MYO1E: variants seen among roughly 807,000 people sequenced by gnomAD.
MYO1E encodes the protein unconventional myosin-Ie.
Under a neutral mutation model 151.1 loss-of-function variants are expected in MYO1E, and 68 were observed. The ratio of observed to expected loss-of-function variants is 0.45; its 90% CI spans 0.37 to 0.55. MYO1E has a LOEUF of 0.55. MYO1E is among the 20% of genes least tolerant of loss of function. The pLI is 0.00. For synonymous variants in MYO1E, 601 were observed against 501.7 expected (o/e 1.20, Z -2.64); for missense variants, 1,363 against 1,389.3 (o/e 0.98, Z 0.30).
chr15:59,320,601 A>C (rs1179194075), intron 1 of MYO1E, among the ~76,000 whole-genome samples: 1 of 152,244 alleles, frequency 6.6e-6, no homozygotes, highest in Non-Finnish European at 1.5e-5. Context: ...CTTCCTATTC[A>C]ATAAATGGTG....
chr15:59,179,676 CCTCT>C (rs1220474631), intron 18 of MYO1E, among the ~76,000 whole-genome samples: 3 of 152,140 alleles, frequency 2.0e-5, no homozygotes, highest in African/African-American at 4.8e-5. Context: ...GATTTGAATC[CCTCT>C]CTGTCTCTTT....
intron 26 of MYO1E, among the ~76,000 whole-genome samples, chr15:59,142,718 A>C (rs1266371261): frequency 6.6e-6 from 1 of 152,134 alleles, no homozygotes; most frequent in Non-Finnish European, 1.5e-5. Flanking sequence ...TCCCTGCTGC[A>C]GGCCACATTG....
At chr15:59,303,172 T>C (rs1332790611) in intron 1 of MYO1E, among the ~76,000 whole-genome samples, 1 of 152,180 alleles carries the variant, frequency 6.6e-6, no homozygotes, top group East Asian at 1.9e-4. Context: ...TTGTTAGAAT[T>C]AGATGTCAGC....
At chr15:59,228,292 GT>G (rs2140352822) in intron 6 of MYO1E, among the ~76,000 whole-genome samples, 1 of 152,116 alleles carries the variant, frequency 6.6e-6, no homozygotes, top group Admixed American at 6.5e-5. Context: ...AACCAGCCTG[GT>G]CAACATGGTG....
chr15:59,221,622 C>T (rs1177345271), intron 9 of MYO1E, among the ~76,000 whole-genome samples: 1 of 152,182 alleles, frequency 6.6e-6, no homozygotes, highest in African/African-American at 2.4e-5. Context: ...CTCTGGCTTC[C>T]ATCTCAGCCT....
intron 22 of MYO1E, among the ~76,000 whole-genome samples, chr15:59,169,421 C>T (rs555622969): frequency 1.2e-4 from 18 of 152,336 alleles, no homozygotes; most frequent in Admixed American, 2.0e-4. Context: ...ACACATCACC[C>T]TCTGGTTGCT....
At chr15:59,141,889 T>C (rs546554396) in intron 26 of MYO1E, among the ~76,000 whole-genome samples, 14 of 150,432 alleles carry the variant, frequency 9.3e-5, no homozygotes, top group African/African-American at 2.9e-4. Context: ...GGGTGGATCA[T>C]GAGGTCAGGA....
At chr15:59,210,374 C>T (rs2079871561) in intron 13 of MYO1E, 140 bp downstream of exon 13, 2 of 693,052 alleles carry the variant, frequency 2.9e-6, no homozygotes, top group East Asian at 5.4e-5. Flanking sequence ...TTCACACATA[C>T]AGAAAACTAG....
rs146306690 is a variant in MYO1E at position 59,202,421 on chromosome 15, AAG to A, written c.1617-16_1617-15del. The A allele has an allele frequency of 8.1e-4, 1,309 of 1,610,642 alleles. 14 individuals carry two copies. The African/African-American group carries it at 0.016, about 20-fold the overall frequency. On this transcript the variant is annotated splice_polypyrimidine_tract_variant and intron_variant, in intron 15 of 27. Coordinates refer to ENST00000288235, the MANE Select transcript of MYO1E (RefSeq NM_004998.4). ...TTTATGAAAGGCCTGGAAAAGGAGA[AAG>A]AGAATGAATTAACAATCTGTAAGTA...
chr15:59,343,714 T>C (rs28786543), intron 1 of MYO1E, among the ~76,000 whole-genome samples: 2,022 of 152,228 alleles, frequency 0.013, 45 homozygotes, highest in African/African-American at 0.045. Flanking sequence ...TTCTTTTGTC[T>C]CCTCTGACTG....
At chr15:59,161,479 A>G (rs1361768429) in intron 23 of MYO1E, among the ~76,000 whole-genome samples, 1 of 152,168 alleles carries the variant, frequency 6.6e-6, no homozygotes, top group Non-Finnish European at 1.5e-5. Flanking sequence ...TGAGGGAGGT[A>G]CATCTGGCTA....
At chr15:59,334,062 A>G (rs1204909724) in intron 1 of MYO1E, among the ~76,000 whole-genome samples, 2 of 152,314 alleles carry the variant, frequency 1.3e-5, no homozygotes, top group East Asian at 3.9e-4. Context: ...TGGGAGACCA[A>G]AGTGGAAGGA....
At chr15:59,146,271 C>T (rs374826949) in intron 26 of MYO1E, among the ~76,000 whole-genome samples, 5 of 152,178 alleles carry the variant, frequency 3.3e-5, no homozygotes, top group African/African-American at 9.6e-5. Flanking sequence ...AATTGAAAAT[C>T]GTGTTATAAA....
intron 1 of MYO1E, among the ~76,000 whole-genome samples, chr15:59,278,085 A>G (rs2080331680): frequency 6.6e-6 from 1 of 152,236 alleles, no homozygotes; most frequent in South Asian, 2.1e-4. Flanking sequence ...CCAGGCTCTC[A>G]AAGTCAAAAG....
chr15:59,163,361 GTTTT>G (rs3214992), intron 22 of MYO1E, 58 bp from the exon 23 acceptor site: 9 of 1,395,048 alleles, frequency 6.5e-6, no homozygotes, highest in South Asian at 1.3e-5. Context: ...TTACTCTATT[GTTTT>G]TTTTTTCTTC....
intron 25 of MYO1E, among the ~76,000 whole-genome samples, chr15:59,157,844 G>A (rs2079517363): frequency 6.6e-6 from 1 of 152,334 alleles, no homozygotes; most frequent in East Asian, 1.9e-4. Flanking sequence ...AGCCCCCACT[G>A]GGCGTCTTGG....
intron 4 of MYO1E, among the ~76,000 whole-genome samples, chr15:59,250,411 T>C (rs1458330653): frequency 2.0e-5 from 3 of 152,158 alleles, no homozygotes; most frequent in Non-Finnish European, 4.4e-5. Context: ...CTGTGAGTAT[T>C]GTCACACCTC....
chr15:59,208,947 T>G, intron 13 of MYO1E, 99 bp from the exon 14 acceptor site: 1 of 1,391,164 alleles, frequency 7.2e-7, no homozygotes, highest in Non-Finnish European at 1.0e-6. Flanking sequence ...CTCCCCAGAC[T>G]TAAGATACCA....
chr15:59,159,454 A>T lies in MYO1E; in HGVS notation c.2786-1075T>A, dbSNP rs1331251997. 6.6e-6 allele frequency among the ~76,000 whole-genome samples: 1 copy of T among 152,240 alleles called. No individual in the cohort carries two copies. Among genetic ancestry groups the T allele is most frequent in the African/African-American group, 2.4e-5 (1 of 41,468 alleles). Reference sequence around the variant, plus strand: ...GGGGTGAGGCCTATAGGCCAGGCCAACAGGAGGCACTGGAAGGAGACTGGA... The same window carrying T: ...GGGGTGAGGCCTATAGGCCAGGCCATCAGGAGGCACTGGAAGGAGACTGGA... On this transcript the variant is annotated intron_variant, in intron 24 of 27. Transcript: ENST00000288235. This position sits in a 1 kb window ranked among gnomAD's most constrained non-coding sequence, Gnocchi z 4.4.
Sources: allele counts gnomAD v4.1 joint callset (sites outside exome capture counted in the v4.1 genomes callset), GRCh38; gene constraint gnomAD v4.1.1; non-coding constraint Gnocchi (gnomAD v3.1); transcripts MANE v1.5; gene names NCBI Gene and HGNC (gene_info 2026-07-23, HGNC 2026-07-21).